Variants in TXLNB observed in about 807,000 individuals in gnomAD.
TXLNB encodes the protein beta-taxilin.
A neutral mutation model predicts 57.4 loss-of-function variants in TXLNB; 37 were observed. The ratio of observed to expected loss-of-function variants is 0.64; its 90% CI spans 0.50 to 0.85. TXLNB has a LOEUF of 0.85. Among genes scored for constraint, TXLNB ranks in the 40% least tolerant of loss-of-function variants. TXLNB has a pLI of 0.00. For missense variants in TXLNB, 848 were observed against 825.6 expected, an observed-to-expected ratio of 1.03 and a Z score of -0.33; for synonymous variants, 302 against 309.6, an observed-to-expected ratio of 0.98 and a Z score of 0.26.
intron 2 of TXLNB, among the ~76,000 whole-genome samples, chr6:139,282,550 C>G (rs1167392413): frequency 6.9e-6 from 1 of 145,384 alleles, no homozygotes; most frequent in Non-Finnish European, 1.5e-5. Flanking sequence ...GTACTCCAGC[C>G]TGGGCAACAG....
chr6:139,248,103 A>G (rs1454259807), intron 7 of TXLNB, among the ~76,000 whole-genome samples, 194 bp from the exon 8 acceptor site: 2 of 152,186 alleles, frequency 1.3e-5, no homozygotes, highest in African/African-American at 4.8e-5. Flanking sequence ...GTCTGGGCGC[A>G]GTGGCTCACG....
the TXLNB span, among the ~76,000 whole-genome samples, chr6:139,167,482 C>T: frequency 4.6e-5 from 7 of 152,142 alleles, no homozygotes; most frequent in East Asian, 3.9e-4. Context: ...CGCCCAGTGA[C>T]GCGGTGATTT....
chr6:139,302,970 T>C, the TXLNB span, among the ~76,000 whole-genome samples: 1 of 152,202 alleles, frequency 6.6e-6, no homozygotes, highest in Non-Finnish European at 1.5e-5. Flanking sequence ...TAAATGTACA[T>C]AGTATTTCTA....
rs140877801 is a variant in TXLNB, at chr6:139,285,873, T to C, written c.424+2603A>G. On this transcript the variant is annotated intron_variant, in intron 2 of 9. Transcript: ENST00000358430. ...AATGGGAAATCTGTTTTCATTTCTT[T>C]CATTTCAGATGCCAAGGGGAAAGTG... Among the ~76,000 whole-genome samples, 574 of 145,716 alleles carry C rather than the reference T, an allele frequency of 3.9e-3. 63 individuals carry two copies. Among genetic ancestry groups the C allele is most frequent in the Non-Finnish European group, 4.7e-3 (305 of 65,416 alleles).
At chr6:139,218,676 T>C in the TXLNB span, among the ~76,000 whole-genome samples, 3 of 152,038 alleles carry the variant, frequency 2.0e-5, no homozygotes, top group African/African-American at 4.8e-5. Context: ...CGCTTGAACC[T>C]GGGAGGTGGA....
chr6:139,288,962 T>C, intron 1 of TXLNB, 49 bp from the exon 2 acceptor site: 5 of 1,339,930 alleles, frequency 3.7e-6, no homozygotes, highest in Non-Finnish European at 5.2e-6. Context: ...ACTTGCTACA[T>C]ATCAATGCTA....
the TXLNB span, chr6:139,177,335 G>A: frequency 2.9e-6 from 1 of 346,838 alleles, no homozygotes; most frequent in East Asian, 4.4e-5. This position sits in a 1 kb window ranked among gnomAD's most constrained non-coding sequence, Gnocchi z 4.9. Context: ...TTTGGGTTGG[G>A]GTTCACTCTT....
At chr6:139,195,271 A>C in the TXLNB span, among the ~76,000 whole-genome samples, 22 of 152,336 alleles carry the variant, frequency 1.4e-4, no homozygotes, top group African/African-American at 4.8e-4. Context: ...TTATTTTGTA[A>C]GTTTTGTAGA....
chr6:139,246,849 G>T (rs1472413207), intron 8 of TXLNB, among the ~76,000 whole-genome samples: 1 of 151,800 alleles, frequency 6.6e-6, no homozygotes, highest in Non-Finnish European at 1.5e-5. Flanking sequence ...GGAAGGCAGA[G>T]GTTGCAGTGA....
chr6:139,165,148 A>T, the TXLNB span, among the ~76,000 whole-genome samples: 1 of 152,228 alleles, frequency 6.6e-6, no homozygotes, highest in Non-Finnish European at 1.5e-5. Flanking sequence ...TTTATGGTTG[A>T]GGAAATGGAA....
the TXLNB span, among the ~76,000 whole-genome samples, chr6:139,228,526 CAAAAAA>C: frequency 2.3e-5 from 1 of 44,300 alleles, no homozygotes; most frequent in African/African-American, 7.2e-5. Context: ...AACTCCATCT[CAAAAAA>C]AAAAAAAAAA....
chr6:139,314,650 A>G, the TXLNB span, among the ~76,000 whole-genome samples: 3 of 152,006 alleles, frequency 2.0e-5, no homozygotes, highest in Admixed American at 6.6e-5. Context: ...ATCCCTTGAA[A>G]TATTTCACAG....
At chr6:139,316,482 C>T in the TXLNB span, among the ~76,000 whole-genome samples, 1 of 152,060 alleles carries the variant, frequency 6.6e-6, no homozygotes, top group Admixed American at 6.6e-5. Flanking sequence ...ATCACAGACC[C>T]TCTACCCTAT....
the TXLNB span, among the ~76,000 whole-genome samples, chr6:139,218,981 G>A: frequency 6.6e-6 from 1 of 152,114 alleles, no homozygotes; most frequent in Non-Finnish European, 1.5e-5. Flanking sequence ...TGGAATACTG[G>A]TATAGGTTCG....
At chr6:139,161,648 T>C in the TXLNB span, among the ~76,000 whole-genome samples, 1 of 152,250 alleles carries the variant, frequency 6.6e-6, no homozygotes, top group East Asian at 1.9e-4. Flanking sequence ...TTCTTTAGTG[T>C]GAAAATACTT....
the TXLNB span, among the ~76,000 whole-genome samples, chr6:139,190,408 C>T: frequency 6.8e-6 from 1 of 146,892 alleles, no homozygotes; most frequent in South Asian, 2.2e-4. Flanking sequence ...CTTCTAGGTT[C>T]AAGCGATTCT....
the TXLNB span, among the ~76,000 whole-genome samples, chr6:139,218,479 G>A: frequency 2.0e-4 from 30 of 152,076 alleles, no homozygotes; most frequent in African/African-American, 5.3e-4. Flanking sequence ...TAGGCCAGGC[G>A]TGGTGGCTCA....
At position 139,243,177 on chromosome 6, in the gene TXLNB, G is replaced by C. The variant is rs1170595319; in HGVS notation, c.1404C>G (p.Asp468Glu). ...IRDAEISEKD[D>E]QSQHNSDEEP... ...CTTCATCGGAGTTGTGCTGACTTTG[G>C]TCATCCTTTTCAGATATTTCTGCGT... The change falls in exon 10 of 10, where the codon GAC becomes GAG. Residue 468 changes from aspartate (D) to glutamate (E), a missense_variant. Asp to Glu is a conservative substitution (Grantham distance 45). Transcript: ENST00000358430. The C allele has an allele frequency of 6.2e-7, 1 of 1,614,106 alleles. No individual in the cohort carries two copies. The highest frequency in any genetic ancestry group is 8.5e-7 in the Non-Finnish European group (1 of 1,180,030).
the TXLNB span, among the ~76,000 whole-genome samples, chr6:139,323,040 T>C: frequency 3.6e-4 from 55 of 152,190 alleles, no homozygotes; most frequent in African/African-American, 1.2e-3. Flanking sequence ...CATTTTAAAA[T>C]AAGAAACTAG....
Sources: gnomAD v4.1 joint callset for allele counts (sites outside exome capture counted in the v4.1 genomes callset) on GRCh38, gnomAD v4.1.1 for gene constraint, Gnocchi (gnomAD v3.1) non-coding constraint, MANE v1.5 for transcripts, NCBI Gene and HGNC (gene_info 2026-07-23, HGNC 2026-07-21) for gene names.